Variants in AFF4 observed in about 807,000 individuals in gnomAD.
AFF4 encodes the protein AF4/FMR2 family member 4.
A neutral mutation model predicts 124.8 loss-of-function variants in AFF4; 13 were observed. The observed-to-expected ratio is 0.10, with a 90% CI of 0.07 to 0.17. The LOEUF (loss-of-function observed/expected upper bound fraction) is 0.17, where lower values mean the gene tolerates loss of function less well. Ranked by LOEUF, AFF4 falls within the 10% of genes least tolerant of loss-of-function variation. AFF4 has a pLI of 1.00. For missense variants in AFF4, 1,092 were observed against 1,403.8 expected, an observed-to-expected ratio of 0.78 and a Z score of 3.55; for synonymous variants, 477 against 496.1, an observed-to-expected ratio of 0.96 and a Z score of 0.51.
At chr5:132,945,234 T>C (rs1386305195) in intron 1 of AFF4, 1 of 152,274 alleles carries the variant, frequency 6.6e-6, no homozygotes, top group African/African-American at 2.4e-5. Flanking sequence ...TTTTTTCATG[T>C]GGCAGTTTTA....
At position 132,899,022 on chromosome 5, in the gene AFF4, T is replaced by C. The variant is rs975586756; in HGVS notation, c.1226+82A>G. On this transcript the variant is annotated intron_variant, in intron 9 of 20. Transcript: ENST00000265343. ...CATTATCAAAATTAATATTTACTTATAAGGCCACTTATTATATCCCTGCAA... is the reference window on the plus strand; with the variant it reads ...CATTATCAAAATTAATATTTACTTACAAGGCCACTTATTATATCCCTGCAA... 14 of 1,226,504 alleles carry C rather than the reference T, an allele frequency of 1.1e-5. No homozygotes were observed. In the Admixed American group the frequency reaches 1.2e-4, roughly 11 times the overall value. 76.0% of individuals were successfully genotyped at this position (1,226,504 alleles called of 1,614,324 possible). A position where few individuals can be genotyped will look rare whatever the true frequency, so the allele number is the denominator to read the frequency against.
At chr5:132,885,605 C>G (rs1009841119) in intron 18 of AFF4, among the ~76,000 whole-genome samples, 2 of 151,988 alleles carry the variant, frequency 1.3e-5, no homozygotes, top group Non-Finnish European at 2.9e-5. Flanking sequence ...CCCCTTGGGG[C>G]CAGGGTAAGG....
intron 1 of AFF4, chr5:132,943,715 A>G (rs1002335772): frequency 1.1e-5 from 3 of 280,860 alleles, no homozygotes; most frequent in Non-Finnish European, 2.1e-5. Flanking sequence ...AATGTTCATC[A>G]TGGCAATGTT....
chr5:132,954,477 A>G (rs1168998688), intron 1 of AFF4, among the ~76,000 whole-genome samples: 9 of 151,472 alleles, frequency 5.9e-5, no homozygotes, highest in Admixed American at 2.6e-4. Flanking sequence ...ATACCGGCTC[A>G]TGGCAGCATC....
intron 5 of AFF4, among the ~76,000 whole-genome samples, chr5:132,924,774 G>T (rs1050588037): frequency 6.6e-6 from 1 of 152,240 alleles, no homozygotes. Flanking sequence ...AAAATCGCTT[G>T]AACCCAGGAG....
At chr5:132,921,379 T>C (rs1761040487) in intron 5 of AFF4, among the ~76,000 whole-genome samples, 2 of 151,986 alleles carry the variant, frequency 1.3e-5, no homozygotes, top group East Asian at 1.9e-4. Flanking sequence ...AGTAAGGACA[T>C]GGAACAAGTG....
chr5:132,875,728 A>C lies in AFF4; in HGVS notation c.*5331T>G. On this transcript the variant is annotated 3_prime_UTR_variant, in exon 21 of 21. Coordinates refer to ENST00000265343, the MANE Select transcript of AFF4 (RefSeq NM_014423.4). ...ATGCACATACTGACTTAGAAATCCT[A>C]GCTTTTGAGCCCCAAAGTACCTCTG... The C allele has an allele frequency of 4.9e-6, 1 of 205,018 alleles. No individual in the cohort carries two copies. The highest frequency in any genetic ancestry group is 1.0e-5 in the Non-Finnish European group (1 of 99,902). 12.7% of individuals were successfully genotyped at this position (205,018 alleles called of 1,614,324 possible).
intron 5 of AFF4, among the ~76,000 whole-genome samples, chr5:132,909,454 T>C (rs1196929245): frequency 6.6e-6 from 1 of 152,230 alleles, no homozygotes; most frequent in South Asian, 2.1e-4. Flanking sequence ...ACATCATCTT[T>C]ACTCTGAAGA....
chr5:132,899,274 C>T, intron 8 of AFF4, 133 bp from the exon 9 acceptor site: 1 of 782,004 alleles, frequency 1.3e-6, no homozygotes, highest in African/African-American at 1.8e-5. Context: ...AGCACTTATA[C>T]TGTTTTTACC....
chr5:132,923,643 T>G (rs1213144017), intron 5 of AFF4, among the ~76,000 whole-genome samples: 1 of 152,136 alleles, frequency 6.6e-6, no homozygotes, highest in Non-Finnish European at 1.5e-5. Context: ...GGATTGCTAG[T>G]GCTCAGGAGT....
intron 11 of AFF4, 126 bp downstream of exon 11, chr5:132,896,197 C>T: frequency 3.5e-6 from 4 of 1,154,524 alleles, no homozygotes; most frequent in Non-Finnish European, 4.8e-6. Flanking sequence ...TCGCCTGGGC[C>T]TTGGGTTTAC....
At chr5:132,915,169 G>A (rs933851295) in intron 5 of AFF4, among the ~76,000 whole-genome samples, 5 of 151,944 alleles carry the variant, frequency 3.3e-5, no homozygotes, top group Non-Finnish European at 7.4e-5. Context: ...GTGAAACCCT[G>A]TCTCTACTAA....
intron 20 of AFF4, 46 bp downstream of exon 20, chr5:132,883,294 C>T: frequency 2.6e-6 from 4 of 1,558,212 alleles, no homozygotes; most frequent in Non-Finnish European, 3.5e-6. Flanking sequence ...ATAAAAGTTC[C>T]TTCTAACAAT....
At chr5:132,913,267 CAG>C (rs1438176732) in intron 5 of AFF4, among the ~76,000 whole-genome samples, 3 of 152,102 alleles carry the variant, frequency 2.0e-5, no homozygotes, top group Admixed American at 6.6e-5. Context: ...CACCTAAAAA[CAG>C]AGTTTGAGAA....
rs1759854387 is a variant in AFF4 at position 132,877,013 on chromosome 5, C to T, written c.*4046G>A. 5.0e-6 allele frequency: 1 copy of T among 198,986 alleles called. No individual in the cohort carries two copies. Among genetic ancestry groups the T allele is most frequent in the Non-Finnish European group, 1.0e-5 (1 of 95,916 alleles). The allele number at this position is 198,986 out of a possible 1,614,324, so 12.3% of individuals were successfully genotyped here. A position where few individuals can be genotyped will look rare whatever the true frequency, so the allele number is the denominator to read the frequency against. On this transcript the variant is annotated 3_prime_UTR_variant, in exon 21 of 21. Coordinates refer to ENST00000265343, the MANE Select transcript of AFF4 (RefSeq NM_014423.4). ...TATTATTACTGGAAAAAAAGCCTGCCTCTTCAATACATTAATGCATAAAGC... is the reference window on the plus strand; with the variant it reads ...TATTATTACTGGAAAAAAAGCCTGCTTCTTCAATACATTAATGCATAAAGC...
chr5:132,939,403 C>T (rs1185399177), intron 1 of AFF4, among the ~76,000 whole-genome samples: 2 of 152,128 alleles, frequency 1.3e-5, no homozygotes, highest in South Asian at 4.1e-4. Flanking sequence ...TACCACAAAA[C>T]TTAAGTATTC....
At chr5:132,931,925 CAG>C in intron 4 of AFF4, among the ~76,000 whole-genome samples, 1 of 152,188 alleles carries the variant, frequency 6.6e-6, no homozygotes, top group African/African-American at 2.4e-5. Context: ...GGCTGGGCGA[CAG>C]AGTGAGACTT....
At chr5:132,949,211 T>C (rs1470677480) in intron 1 of AFF4, among the ~76,000 whole-genome samples, 1 of 124,258 alleles carries the variant, frequency 8.0e-6, no homozygotes, top group Admixed American at 7.7e-5. Flanking sequence ...ATTTCTGCCT[T>C]TTTTTTTTTT....
intron 1 of AFF4, among the ~76,000 whole-genome samples, chr5:132,948,207 T>G (rs1282592198): frequency 6.6e-6 from 1 of 152,092 alleles, no homozygotes; most frequent in Admixed American, 6.6e-5. Flanking sequence ...CCCGCCAACA[T>G]GTCTGGCTAA....
Sources: gnomAD v4.1 joint callset for allele counts (sites outside exome capture counted in the v4.1 genomes callset) on GRCh38, gnomAD v4.1.1 for gene constraint, MANE v1.5 for transcripts, NCBI Gene and HGNC (gene_info 2026-07-23, HGNC 2026-07-21) for gene names.